C16orf95: variants seen among roughly 807,000 people sequenced by gnomAD.
C16orf95 encodes the protein chromosome 16 open reading frame 95, also known as uncharacterized protein C16orf95.
Under a neutral mutation model 32.1 loss-of-function variants are expected in C16orf95, and 41 were observed. The observed-to-expected ratio is 1.28, with a 90% CI of 1.00 to 1.66. The LOEUF is 1.66. C16orf95 is among the 40% of genes most tolerant of loss of function. The pLI, the probability that C16orf95 is intolerant of heterozygous loss-of-function variation, is 0.00. For missense variants in C16orf95, 399 were observed against 325.9 expected, an observed-to-expected ratio of 1.22 and a Z score of -1.73; for synonymous variants, 147 against 128.9, an observed-to-expected ratio of 1.14 and a Z score of -0.95.
At position 87,317,261 on chromosome 16, in the gene C16orf95, C is replaced by A; in HGVS notation, c.-19G>T. 6.6e-7 allele frequency: 1 copy of A among 1,506,950 alleles called. No individual in the cohort carries two copies. The highest frequency in any genetic ancestry group is 1.2e-5 in the South Asian group (1 of 80,614). The allele number at this position is 1,506,950 out of a possible 1,614,324, so 93.3% of individuals were successfully genotyped here. On this transcript the variant is annotated 5_prime_UTR_variant, in exon 1 of 7. Transcript: ENST00000567970. ...CACGCATATGGCTTCTTATGGCTGACGCGCCCTTTCACACACACATCGTCC... is the reference window on the plus strand; with the variant it reads ...CACGCATATGGCTTCTTATGGCTGAAGCGCCCTTTCACACACACATCGTCC...
Position 87,305,747 on chromosome 16 carries a change from C to T in C16orf95, c.673G>A (p.Ala225Thr). 1 of 1,514,414 alleles carries T rather than the reference C, an allele frequency of 6.6e-7. No homozygotes were observed. The highest frequency in any genetic ancestry group is 8.8e-7 in the Non-Finnish European group (1 of 1,136,628). The allele number at this position is 1,514,414 out of a possible 1,614,324, so 93.8% of individuals were successfully genotyped here. Reference protein sequence around the residue: ...LPLGLLTLLQAIPRVIMAIRQ... With the variant: ...LPLGLLTLLQTIPRVIMAIRQ... ...ATGGCCATGATGACCCTCGGGATGGCCTGGAGGAGGGTCAGGAGGCCGAGG... is the reference window on the plus strand; with the variant it reads ...ATGGCCATGATGACCCTCGGGATGGTCTGGAGGAGGGTCAGGAGGCCGAGG... Residue 225 changes from alanine to threonine, a missense_variant, in exon 6 of 7, where the codon GCC (alanine) becomes ACC (threonine). Transcript: ENST00000567970. The surrounding 1 kb of genome is among the most constrained non-coding windows in gnomAD (Gnocchi z 4.2).
chr16:87,306,082 G>C, intron 5 of C16orf95, 177 bp from the exon 6 acceptor site: 1 of 451,942 alleles, frequency 2.2e-6, no homozygotes, highest in East Asian at 3.6e-5. Flanking sequence ...CGTCTTGCGG[G>C]TTTATGATAT....
rs1486365286 is a variant in C16orf95, at chr16:87,307,216, C to T, written c.515-1311G>A. Among the ~76,000 whole-genome samples, 3 of 152,268 alleles carry T rather than the reference C, an allele frequency of 2.0e-5. No homozygotes were observed. In the East Asian group the frequency reaches 5.8e-4, roughly 29 times the overall value. On this transcript the variant is annotated intron_variant, in intron 5 of 6. Coordinates refer to ENST00000567970, the MANE Select transcript of C16orf95 (RefSeq NM_001195124.3). The stretch of plus-strand genomic sequence containing the variant: ...GCCAGCCCAGAAAACACAGACACGG[C>T]AGCCCTCCACAACAGAAAACACCTT...
chr16:87,309,225 C>A (rs763618508), intron 5 of C16orf95, among the ~76,000 whole-genome samples: 50 of 151,920 alleles, frequency 3.3e-4, no homozygotes, highest in Non-Finnish European at 6.3e-4. Flanking sequence ...AAACTGATGT[C>A]TTTTCCTTCT....
In C16orf95 at chr16:87,306,760, T is replaced by C. The variant is rs574768569; in HGVS notation, c.515-855A>G. Among the ~76,000 whole-genome samples, 4 of 152,324 alleles carry C rather than the reference T, an allele frequency of 2.6e-5. No individual in the cohort carries two copies. The South Asian group carries it at 8.3e-4, about 32-fold the overall frequency. On this transcript the variant is annotated intron_variant, in intron 5 of 6. Coordinates refer to ENST00000567970, the MANE Select transcript of C16orf95 (RefSeq NM_001195124.3). Reference sequence around the variant, plus strand: ...GCAATGAGATCTGCTCTCTTAATTCTGTGCTGGGAAATCTTCTGGCGTGAA... The same window carrying C: ...GCAATGAGATCTGCTCTCTTAATTCCGTGCTGGGAAATCTTCTGGCGTGAA...
intron 6 of C16orf95, chr16:87,303,421 C>G (rs955325704): frequency 4.0e-6 from 1 of 250,886 alleles, no homozygotes; most frequent in South Asian, 8.3e-5. Context: ...AGATTCTAAG[C>G]CCACCCTCTC....
chr16:87,303,017 T>G lies in C16orf95; in HGVS notation c.*40A>C. On this transcript the variant is annotated 3_prime_UTR_variant, in exon 7 of 7. Coordinates refer to ENST00000567970, the MANE Select transcript of C16orf95 (RefSeq NM_001195124.3). ...TCTCAAAGATCTTGATCGTGACACA[T>G]TTTTGTGGCTGTTCTTGACAGTAGC... is the stretch of plus-strand genomic sequence containing the variant. 1 of 1,534,378 alleles carries G rather than the reference T, an allele frequency of 6.5e-7. No homozygotes were observed. The highest frequency in any genetic ancestry group is 8.7e-7 in the Non-Finnish European group (1 of 1,145,308).
At chr16:87,306,342 A>C (rs1191875990) in intron 5 of C16orf95, among the ~76,000 whole-genome samples, 1 of 152,192 alleles carries the variant, frequency 6.6e-6, no homozygotes, top group Non-Finnish European at 1.5e-5. Flanking sequence ...GTTTAAGGAA[A>C]GCCACAAGCA....
intron 5 of C16orf95, among the ~76,000 whole-genome samples, chr16:87,306,708 G>T (rs1911046990): frequency 6.6e-6 from 1 of 152,136 alleles, no homozygotes; most frequent in Non-Finnish European, 1.5e-5. Context: ...GCGGCCAGAG[G>T]GAAGAACTGT....
Position 87,305,881 on chromosome 16 carries a change from C to A in C16orf95, c.539G>T (p.Trp180Leu). Reference sequence around the variant, plus strand: ...ACCGCAGATCCGCCAGCAGTTGTGCCAGCAGCATGCATCCAGCAGGGGTGC... The same window carrying A: ...ACCGCAGATCCGCCAGCAGTTGTGCAAGCAGCATGCATCCAGCAGGGGTGC... The part of the protein sequence containing the change: ...IQAPLLDACC[W>L]HNCWRICGDE... The change falls in exon 6 of 7, where the codon TGG becomes TTG. Residue 180 changes from tryptophan (W) to leucine (L), a missense_variant. Coordinates refer to ENST00000567970, the MANE Select transcript of C16orf95 (RefSeq NM_001195124.3). The surrounding 1 kb of genome is among the most constrained non-coding windows in gnomAD (Gnocchi z 4.2). 2.1e-6 allele frequency: 3 copies of A among 1,438,292 alleles called. No homozygotes were observed. Among genetic ancestry groups the A allele is most frequent in the Non-Finnish European group, 2.7e-6 (3 of 1,099,266 alleles). The allele number at this position is 1,438,292 out of a possible 1,614,324, so 89.1% of individuals were successfully genotyped here.
chr16:87,310,919 C>A (rs1315508557), intron 4 of C16orf95, among the ~76,000 whole-genome samples: 2 of 152,184 alleles, frequency 1.3e-5, no homozygotes, highest in African/African-American at 4.8e-5. Flanking sequence ...CGCGGCCCTG[C>A]CCTTCCAGTG....
chr16:87,308,619 C>T (rs569062996), intron 5 of C16orf95, among the ~76,000 whole-genome samples: 1 of 152,242 alleles, frequency 6.6e-6, no homozygotes, highest in African/African-American at 2.4e-5. Context: ...CTTGTCCCAT[C>T]CACTCTTACC....
At chr16:87,307,471 A>G (rs1380180990) in intron 5 of C16orf95, among the ~76,000 whole-genome samples, 1 of 38,064 alleles carries the variant, frequency 2.6e-5, no homozygotes, top group Non-Finnish European at 9.0e-5. Flanking sequence ...TTAAAAGATA[A>G]AAATAGGCCA....
intron 6 of C16orf95, among the ~76,000 whole-genome samples, chr16:87,304,668 C>T (rs1025774841): frequency 2.4e-4 from 36 of 152,298 alleles, no homozygotes; most frequent in Admixed American, 2.3e-3. Context: ...GGACCCGTAC[C>T]CCGATGCACA....
At chr16:87,303,217 G>T in intron 6 of C16orf95, 142 bp from the exon 7 acceptor site, 1 of 819,620 alleles carries the variant, frequency 1.2e-6, no homozygotes, top group Non-Finnish European at 2.0e-6. Flanking sequence ...CCCAGGCAGG[G>T]AAGGGGTGCA....
intron 6 of C16orf95, 164 bp from the exon 7 acceptor site, chr16:87,303,239 T>G (rs1597340089): frequency 1.5e-6 from 1 of 680,926 alleles, no homozygotes; most frequent in Non-Finnish European, 2.6e-6. Flanking sequence ...GGATGAGGGG[T>G]GGGGTGCAGT....
chr16:87,305,950 G>T lies in C16orf95; in HGVS notation c.515-45C>A. 2 of 1,348,222 alleles carry T rather than the reference G, an allele frequency of 1.5e-6. No homozygotes were observed. The highest frequency in any genetic ancestry group is 1.7e-5 in the South Asian group (1 of 59,342). 83.5% of individuals were successfully genotyped at this position (1,348,222 alleles called of 1,614,324 possible). On this transcript the variant is annotated intron_variant, in intron 5 of 6. Coordinates refer to ENST00000567970, the MANE Select transcript of C16orf95 (RefSeq NM_001195124.3). This position sits in a 1 kb window ranked among gnomAD's most constrained non-coding sequence, Gnocchi z 4.2. Reference sequence around the variant, plus strand: ...GTTGAGGACAGGGCGTGTTCTCCGGGACTCTGTGAGCCACGAGGAGGCTGC... The same window carrying T: ...GTTGAGGACAGGGCGTGTTCTCCGGTACTCTGTGAGCCACGAGGAGGCTGC...
At chr16:87,304,304 T>TCGCCCA (rs1195791586) in intron 6 of C16orf95, among the ~76,000 whole-genome samples, 33 of 152,234 alleles carry the variant, frequency 2.2e-4, no homozygotes, top group South Asian at 6.2e-4. Flanking sequence ...CCACCACACC[T>TCGCCCA]TGCCCATCCT....
Position 87,310,278 on chromosome 16 carries a change from A to G in C16orf95, c.514+19T>C. 1 of 1,535,948 alleles carries G rather than the reference A, an allele frequency of 6.5e-7. No individual in the cohort carries two copies. Among genetic ancestry groups the G allele is most frequent in the South Asian group, 1.2e-5 (1 of 84,054 alleles). ...TCTGGGGAGGGGGATGATATGAGAC[A>G]CACACACACTGGAGTTACCTTGGAT... On this transcript the variant is annotated intron_variant, in intron 5 of 6. Transcript: ENST00000567970.
Sources: gnomAD v4.1 joint callset for allele counts (sites outside exome capture counted in the v4.1 genomes callset) on GRCh38, gnomAD v4.1.1 for gene constraint, Gnocchi (gnomAD v3.1) non-coding constraint, MANE v1.5 for transcripts, NCBI Gene and HGNC (gene_info 2026-07-23, HGNC 2026-07-21) for gene names.